KCNC2: variants seen among roughly 807,000 people sequenced by gnomAD.
The protein encoded by KCNC2 is voltage-gated potassium channel KCNC2.
A neutral mutation model predicts 44.5 loss-of-function variants in KCNC2; 21 were observed. The observed-to-expected ratio is 0.47, with a 90% confidence interval of 0.33 to 0.68. KCNC2 has a LOEUF of 0.68. Among genes scored for constraint, KCNC2 ranks in the 30% least tolerant of loss-of-function variants. The pLI, the probability that KCNC2 is intolerant of heterozygous loss-of-function variation, is 0.01. For missense variants in KCNC2, 589 were observed against 826.2 expected (o/e 0.71, Z 3.52); for synonymous variants, 391 against 339.1 (o/e 1.15, Z -1.68).
At chr12:75,138,467 T>A (rs1466601261) in intron 2 of KCNC2, among the ~76,000 whole-genome samples, 2 of 152,218 alleles carry the variant, frequency 1.3e-5, no homozygotes, top group African/African-American at 4.8e-5. Flanking sequence ...AAATATTTTT[T>A]AAAATAAATT....
intron 2 of KCNC2, among the ~76,000 whole-genome samples, chr12:75,145,888 T>C (rs942897412): frequency 2.0e-5 from 3 of 152,142 alleles, no homozygotes; most frequent in African/African-American, 7.2e-5. Flanking sequence ...GTCTTTTTCT[T>C]TTGTTGTTTA....
At chr12:75,163,925 G>C (rs1034834003) in intron 2 of KCNC2, among the ~76,000 whole-genome samples, 3 of 151,624 alleles carry the variant, frequency 2.0e-5, no homozygotes, top group African/African-American at 7.3e-5. Context: ...CTGTTACTGT[G>C]AAACAAACCC....
intron 2 of KCNC2, among the ~76,000 whole-genome samples, chr12:75,110,329 C>T (rs1887131613): frequency 6.6e-6 from 1 of 152,074 alleles, no homozygotes. Context: ...TAAAAGGAAT[C>T]AGAGTAGCAA....
intron 2 of KCNC2, among the ~76,000 whole-genome samples, chr12:75,083,246 A>C (rs1300636522): frequency 6.6e-6 from 1 of 151,806 alleles, no homozygotes; most frequent in Non-Finnish European, 1.5e-5. Context: ...ATTTTAATTC[A>C]TAACAGGAAG....
chr12:75,092,741 C>T (rs912701756), intron 2 of KCNC2, among the ~76,000 whole-genome samples: 1 of 151,542 alleles, frequency 6.6e-6, no homozygotes, highest in African/African-American at 2.4e-5. Context: ...CTTTTCCCAA[C>T]CTCTTCATAT....
intron 2 of KCNC2, among the ~76,000 whole-genome samples, chr12:75,192,750 G>C (rs1297124256): frequency 6.6e-6 from 1 of 152,008 alleles, no homozygotes; most frequent in African/African-American, 2.4e-5. Flanking sequence ...GCCTTTGTGG[G>C]GAAGAATCAT....
chr12:75,205,092 TA>T (rs2031582040), intron 2 of KCNC2, among the ~76,000 whole-genome samples: 1 of 152,148 alleles, frequency 6.6e-6, no homozygotes, highest in African/African-American at 2.4e-5. Context: ...TATGCCGCAT[TA>T]AATCTCAAGA....
chr12:75,074,776 T>C (rs886498774), intron 2 of KCNC2, among the ~76,000 whole-genome samples: 1 of 152,182 alleles, frequency 6.6e-6, no homozygotes, highest in Non-Finnish European at 1.5e-5. Flanking sequence ...ATCTAACTTA[T>C]TCCCTTGCCT....
chr12:75,199,220 G>T (rs999688281), intron 2 of KCNC2, among the ~76,000 whole-genome samples: 3 of 151,750 alleles, frequency 2.0e-5, no homozygotes, highest in Non-Finnish European at 4.4e-5. Context: ...GATGTCTACA[G>T]CACAGTCAGA....
chr12:75,202,314 T>C (rs983323049), intron 2 of KCNC2, among the ~76,000 whole-genome samples: 28 of 151,898 alleles, frequency 1.8e-4, no homozygotes, highest in African/African-American at 6.3e-4. Flanking sequence ...GTATATTTAG[T>C]TGGCAATTAA....
intron 2 of KCNC2, among the ~76,000 whole-genome samples, chr12:75,086,080 A>G (rs1026695144): frequency 5.9e-5 from 9 of 152,080 alleles, no homozygotes; most frequent in African/African-American, 2.2e-4. Context: ...CTCATACTAT[A>G]GTATGCTCTA....
chr12:75,059,577 T>C (rs1158545893), intron 2 of KCNC2, among the ~76,000 whole-genome samples: 1 of 152,102 alleles, frequency 6.6e-6, no homozygotes, highest in Non-Finnish European at 1.5e-5. Context: ...TTTCACACAA[T>C]TTATTTTTCA....
intron 2 of KCNC2, among the ~76,000 whole-genome samples, chr12:75,098,327 A>G (rs943826290): frequency 2.1e-4 from 32 of 152,168 alleles, no homozygotes; most frequent in African/African-American, 7.5e-4. Flanking sequence ...TTTGTAAAAT[A>G]TTTATTTCAC....
intron 2 of KCNC2, among the ~76,000 whole-genome samples, chr12:75,140,434 A>G (rs1592953602): frequency 6.6e-6 from 1 of 151,092 alleles, no homozygotes; most frequent in Admixed American, 6.6e-5. Context: ...GAATCATACA[A>G]ATATAAGTAA....
At chr12:75,092,724 A>G (rs1219875052) in intron 2 of KCNC2, among the ~76,000 whole-genome samples, 3 of 151,678 alleles carry the variant, frequency 2.0e-5, no homozygotes, top group African/African-American at 7.2e-5. Flanking sequence ...ATAATTGTCA[A>G]TCTTCTCTTT....
rs1177623285 is a variant in KCNC2 at position 75,104,288 on chromosome 12, G to T, written c.688-52971C>A. Among the ~76,000 whole-genome samples, 4 of 152,270 alleles carry T rather than the reference G, an allele frequency of 2.6e-5. No individual in the cohort carries two copies. In the South Asian group the frequency reaches 8.3e-4, roughly 32 times the overall value. On this transcript the variant is annotated intron_variant, in intron 2 of 4. Transcript: ENST00000549446. ...CATGAATACTCTGGACAAGGGGAAGGTTCACGTCCCAAGTAGAATGGAGCA... is the reference window on the plus strand; with the variant it reads ...CATGAATACTCTGGACAAGGGGAAGTTTCACGTCCCAAGTAGAATGGAGCA...
intron 2 of KCNC2, among the ~76,000 whole-genome samples, chr12:75,115,498 C>T (rs1227999923): frequency 1.3e-5 from 2 of 152,152 alleles, no homozygotes; most frequent in East Asian, 1.9e-4. Context: ...TTTATTTATG[C>T]TCCCATATCA....
chr12:75,147,809 C>G (rs569650521), intron 2 of KCNC2, among the ~76,000 whole-genome samples: 1 of 152,080 alleles, frequency 6.6e-6, no homozygotes. Flanking sequence ...ACCAAAGTAA[C>G]CTAGTTTTCA....
intron 2 of KCNC2, among the ~76,000 whole-genome samples, chr12:75,119,869 A>G (rs576674758): frequency 6.6e-6 from 1 of 152,374 alleles, no homozygotes; most frequent in South Asian, 2.1e-4. Flanking sequence ...AATACATGGT[A>G]GTTTAAGAAA....
Sources: allele counts gnomAD v4.1 joint callset (sites outside exome capture counted in the v4.1 genomes callset), GRCh38; gene constraint gnomAD v4.1.1; transcripts MANE v1.5; gene names NCBI Gene and HGNC (gene_info 2026-07-23, HGNC 2026-07-21).